Variants in ATF6 observed in about 807,000 individuals in gnomAD.
The protein encoded by ATF6 is activating transcription factor 6.
ATF6 carries 53 observed loss-of-function variants against 83.6 expected under a neutral mutation model. The observed-to-expected ratio is 0.63, with a 90% CI of 0.51 to 0.80. The LOEUF (loss-of-function observed/expected upper bound fraction) is 0.80. ATF6 is among the 30% of genes least tolerant of loss of function. The pLI is 0.00. For missense variants in ATF6, 744 were observed against 797.9 expected (o/e 0.93, Z 0.81); for synonymous variants, 288 against 285.8 (o/e 1.01, Z -0.08).
At chr1:161,800,148 G>A (rs537369081) in intron 6 of ATF6, among the ~76,000 whole-genome samples, 2 of 152,054 alleles carry the variant, frequency 1.3e-5, no homozygotes, top group South Asian at 2.1e-4. Context: ...AAGTCTTTAG[G>A]TTAATGGTAC....
At position 161,778,266 on chromosome 1, in the gene ATF6, C is replaced by T. The variant is rs2070151; in HGVS notation, c.105C>T (p.Leu35=). The change falls in exon 2 of 16, where the codon CTC becomes CTT. Residue 35 remains leucine (L), a synonymous_variant. Transcript: ENST00000367942. ...EDWDSALFAE[L]GYFTDTDELQ... ...AAGATTCTGCTCTCTTTGCTGAACT[C>T]GGTTATTTCACAGACACTGATGAGC... The T allele has an allele frequency of 0.095, 153,145 of 1,611,804 alleles. 12,894 individuals carry two copies. The highest frequency in any genetic ancestry group is 0.39 in the Admixed American group (23,333 of 59,758).
intron 15 of ATF6, among the ~76,000 whole-genome samples, chr1:161,935,282 T>A (rs1244125009): frequency 1.3e-5 from 2 of 152,150 alleles, no homozygotes; most frequent in Non-Finnish European, 1.5e-5. Context: ...CCAAAATTTA[T>A]ATGTTGAAAT....
At chr1:161,773,432 A>G (rs1384885824) in intron 1 of ATF6, among the ~76,000 whole-genome samples, 7 of 151,580 alleles carry the variant, frequency 4.6e-5, no homozygotes. Flanking sequence ...TCAGCCACTA[A>G]TTTTTGTATT....
chr1:161,790,566 T>C (rs138694499), intron 4 of ATF6, among the ~76,000 whole-genome samples: 1,851 of 152,216 alleles, frequency 0.012, 13 homozygotes, highest in Non-Finnish European at 0.019. Context: ...TCCCAGCACG[T>C]TGGGAGGCTG....
At chr1:161,810,211 G>T (rs192220635) in intron 7 of ATF6, among the ~76,000 whole-genome samples, 100 of 152,240 alleles carry the variant, frequency 6.6e-4, no homozygotes, top group Non-Finnish European at 1.8e-4. Flanking sequence ...AGGTTTAATT[G>T]TCTCATGGTT....
At position 161,766,402 on chromosome 1, in the gene ATF6, T is replaced by C; in HGVS notation, c.42T>C (p.Pro14=). The change falls in exon 1 of 16, where the codon CCT becomes CCC. Residue 14 remains proline (P), a synonymous_variant. Coordinates refer to ENST00000367942, the MANE Select transcript of ATF6 (RefSeq NM_007348.4). ...GGGTTGCCGGCACCATGGAGTCACC[T>C]TTTAGCCCGGGACTCTTTCACAGGC... ...PAGVAGTMES[P]FSPGLFHRLD... 3 of 1,613,454 alleles carry C rather than the reference T, an allele frequency of 1.9e-6. No homozygotes were observed. Among genetic ancestry groups the C allele is most frequent in the Non-Finnish European group, 2.5e-6 (3 of 1,179,660 alleles).
intron 15 of ATF6, among the ~76,000 whole-genome samples, chr1:161,917,829 A>C (rs1254369273): frequency 6.6e-6 from 1 of 152,180 alleles, no homozygotes; most frequent in Admixed American, 6.5e-5. Context: ...GTCAACACTC[A>C]AAAGGTTTTA....
chr1:161,807,797 G>C (rs541498742), intron 7 of ATF6, among the ~76,000 whole-genome samples: 2 of 148,576 alleles, frequency 1.3e-5, no homozygotes, highest in South Asian at 4.3e-4. Context: ...ATTGCATTAG[G>C]ATAAATTTAT....
rs1312792875 is a variant in ATF6 at position 161,863,330 on chromosome 1, G to C, written c.1719+18G>C. On this transcript the variant is annotated intron_variant, in intron 14 of 15. Transcript: ENST00000367942. ...TTCGAAGGGTAAGTTCATCTTGAAA[G>C]AATAGAGCAAATATTTTTGAGTGCT... is the stretch of plus-strand genomic sequence containing the variant. The C allele has an allele frequency of 6.6e-7, 1 of 1,517,774 alleles. No individual in the cohort carries two copies. Among genetic ancestry groups the C allele is most frequent in the Admixed American group, 1.7e-5 (1 of 59,754 alleles). 94.0% of individuals were successfully genotyped at this position (1,517,774 alleles called of 1,614,324 possible).
intron 3 of ATF6, among the ~76,000 whole-genome samples, 159 bp downstream of exon 3, chr1:161,782,158 A>C (rs1326753481): frequency 6.6e-6 from 1 of 152,230 alleles, no homozygotes; most frequent in East Asian, 1.9e-4. Flanking sequence ...ATGTAAACAA[A>C]TTTCTTGCCA....
chr1:161,897,013 G>A (rs183888737), intron 14 of ATF6, among the ~76,000 whole-genome samples: 87 of 152,254 alleles, frequency 5.7e-4, no homozygotes, highest in African/African-American at 2.0e-3. Flanking sequence ...TCAGAAATAC[G>A]CAAACCAGTA....
At chr1:161,897,912 A>G (rs1687708830) in intron 14 of ATF6, among the ~76,000 whole-genome samples, 1 of 152,180 alleles carries the variant, frequency 6.6e-6, no homozygotes, top group African/African-American at 2.4e-5. Flanking sequence ...GCTTGCTTAT[A>G]TGCCTCACAG....
Position 161,894,521 on chromosome 1 carries a change from C to CT in ATF6, c.1720-17742dup, listed in dbSNP as rs71093131. ...TTAGAGGCAACATTTGTTTTGTAGT[C>CT]TTTTTTTTTTTTTTTTTTTTTTTTT... On this transcript the variant is annotated intron_variant, in intron 14 of 15. Transcript: ENST00000367942. Among the ~76,000 whole-genome samples the CT allele has an allele frequency of 6.2e-4, 28 of 44,862 alleles. 2 individuals are homozygous for CT. The highest frequency in any genetic ancestry group is 1.3e-3 in the South Asian group (1 of 760). 29.4% of individuals were successfully genotyped at this position (44,862 alleles called of 152,430 possible).
chr1:161,802,518 T>G (rs575807864), intron 7 of ATF6, among the ~76,000 whole-genome samples: 1 of 152,278 alleles, frequency 6.6e-6, no homozygotes, highest in Admixed American at 6.5e-5. Flanking sequence ...TATGCATACC[T>G]CCCTCTTCTT....
At chr1:161,952,529 C>CT (rs1288002382) in intron 15 of ATF6, among the ~76,000 whole-genome samples, 22 of 152,012 alleles carry the variant, frequency 1.4e-4, no homozygotes, top group Admixed American at 1.2e-3. Flanking sequence ...CTCTCACTCT[C>CT]TTTTTTTATA....
At chr1:161,843,710 G>T (rs1571182136) in intron 9 of ATF6, among the ~76,000 whole-genome samples, 1 of 152,142 alleles carries the variant, frequency 6.6e-6, no homozygotes, top group African/African-American at 2.4e-5. Context: ...TTATGGTCAA[G>T]ATGGGAAATT....
At chr1:161,792,361 A>T in intron 6 of ATF6, 34 bp downstream of exon 6, 1 of 1,574,824 alleles carries the variant, frequency 6.3e-7, no homozygotes, top group South Asian at 1.1e-5. Flanking sequence ...GTGTAAATTT[A>T]TTTGGAGGGC....
chr1:161,872,943 T>C (rs1354546290), intron 14 of ATF6, among the ~76,000 whole-genome samples: 2 of 151,562 alleles, frequency 1.3e-5, no homozygotes, highest in African/African-American at 4.8e-5. Context: ...TAAGGACTAT[T>C]GTAGTTAGTT....
At chr1:161,772,774 A>C (rs989623725) in intron 1 of ATF6, among the ~76,000 whole-genome samples, 7 of 151,520 alleles carry the variant, frequency 4.6e-5, no homozygotes, top group Admixed American at 2.0e-4. Context: ...AAAAAAAAAA[A>C]AACAAAACCA....
Sources: gnomAD v4.1 joint callset for allele counts (sites outside exome capture counted in the v4.1 genomes callset) on GRCh38, gnomAD v4.1.1 for gene constraint, MANE v1.5 for transcripts, NCBI Gene and HGNC (gene_info 2026-07-23, HGNC 2026-07-21) for gene names.